The following MYO16 variants were observed in gnomAD, a reference collection of about 807,000 sequenced individuals.
The protein encoded by MYO16 is myosin XVI.
In MYO16, 94 loss-of-function variants were observed where a neutral mutation model predicts 205.3. The ratio of observed to expected loss-of-function variants is 0.46; its 90% CI spans 0.39 to 0.54. The LOEUF is 0.54. MYO16 is among the 20% of genes least tolerant of loss of function. The probability of loss-of-function intolerance (pLI) is 0.00; values close to 1 mark genes in which losing one functional copy is unlikely to be tolerated. For missense variants in MYO16, 2,315 were observed against 2,387.5 expected, an observed-to-expected ratio of 0.97 and a Z score of 0.63; for synonymous variants, 988 against 954.0, an observed-to-expected ratio of 1.04 and a Z score of -0.66.
intron 23 of MYO16, among the ~76,000 whole-genome samples, chr13:109,025,413 G>T (rs1886332608): frequency 6.6e-6 from 1 of 152,014 alleles, no homozygotes; most frequent in Admixed American, 6.6e-5. Flanking sequence ...TTACTCATAG[G>T]AGCACAATAT....
chr13:108,895,620 G>GCCACTCAC (rs1880375179), intron 14 of MYO16, among the ~76,000 whole-genome samples: 1 of 152,172 alleles, frequency 6.6e-6, no homozygotes, highest in Non-Finnish European at 1.5e-5. Context: ...GTGGTTAAGT[G>GCCACTCAC]TGTGATTCTG....
chr13:108,740,672 G>A (rs1228450020), intron 4 of MYO16, among the ~76,000 whole-genome samples: 3 of 152,118 alleles, frequency 2.0e-5, no homozygotes, highest in Non-Finnish European at 4.4e-5. Context: ...TGTCAGACAG[G>A]GACATTTAAA....
intron 27 of MYO16, chr13:109,065,526 G>GAAA: frequency 4.0e-5 from 15 of 373,182 alleles, no homozygotes; most frequent in East Asian, 2.3e-4. Context: ...AGGCCATGCT[G>GAAA]AAAAAAAAAA....
chr13:108,556,733 A>G, the MYO16 span, among the ~76,000 whole-genome samples: 1 of 152,032 alleles, frequency 6.6e-6, no homozygotes, highest in Non-Finnish European at 1.5e-5. Flanking sequence ...GCTTTCCTCT[A>G]TATTTTCTTC....
the MYO16 span, among the ~76,000 whole-genome samples, chr13:108,535,755 G>C: frequency 6.6e-6 from 1 of 152,116 alleles, no homozygotes; most frequent in Non-Finnish European, 1.5e-5. Flanking sequence ...TTCAAGAGTG[G>C]TATTACTTCA....
At chr13:109,082,248 G>A (rs77677622) in intron 27 of MYO16, among the ~76,000 whole-genome samples, 2,654 of 152,198 alleles carry the variant, frequency 0.017, 72 homozygotes, top group African/African-American at 0.061. Context: ...CCCATCATGA[G>A]AACAAAAACC....
At chr13:109,160,634 T>C (rs1158050270) in intron 32 of MYO16, among the ~76,000 whole-genome samples, 1 of 152,210 alleles carries the variant, frequency 6.6e-6, no homozygotes, top group Non-Finnish European at 1.5e-5. Flanking sequence ...TTAAATATTA[T>C]ACAGGATGTA....
intron 1 of MYO16, among the ~76,000 whole-genome samples, chr13:108,657,557 T>A (rs1881299731): frequency 6.8e-6 from 1 of 147,980 alleles, no homozygotes; most frequent in African/African-American, 2.4e-5. Context: ...GCTTTTTAAT[T>A]GTAATGACAT....
rs1043320048 is a variant in MYO16 at position 109,191,220 on chromosome 13, GA to G, written c.5415+11599del. Among the ~76,000 whole-genome samples, 258 of 144,696 alleles carry G rather than the reference GA, an allele frequency of 1.8e-3. 2 individuals carry two copies. Among genetic ancestry groups the G allele is most frequent in the African/African-American group, 5.5e-3 (217 of 39,558 alleles). 94.9% of individuals were successfully genotyped at this position (144,696 alleles called of 152,430 possible). A position where few individuals can be genotyped will look rare whatever the true frequency, so the allele number is the denominator to read the frequency against. ...GGGGACAAGAGCGAAACTCTGTCTC[GA>G]AAAAAAAAAAATTGAATTTTCAAAG... is the stretch of plus-strand genomic sequence containing the variant. On this transcript the variant is annotated intron_variant, in intron 34 of 34. Coordinates refer to ENST00000457511, the MANE Select transcript of MYO16 (RefSeq NM_001198950.3).
At chr13:108,784,647 A>G (rs1428531202) in intron 4 of MYO16, among the ~76,000 whole-genome samples, 1 of 152,240 alleles carries the variant, frequency 6.6e-6, no homozygotes, top group Non-Finnish European at 1.5e-5. Context: ...AATGTGAATC[A>G]TATTTTATGT....
intron 27 of MYO16, among the ~76,000 whole-genome samples, chr13:109,093,595 C>G (rs2139695603): frequency 6.6e-6 from 1 of 152,242 alleles, no homozygotes; most frequent in African/African-American, 2.4e-5. Flanking sequence ...GTCTACTACA[C>G]TGTGGGAAAC....
intron 20 of MYO16, among the ~76,000 whole-genome samples, chr13:108,987,044 C>T (rs1195774610): frequency 6.6e-6 from 1 of 152,148 alleles, no homozygotes; most frequent in Admixed American, 6.5e-5. Flanking sequence ...CACGGGACTC[C>T]AGTGTTGACC....
chr13:108,880,123 C>CA (rs1291194290), intron 12 of MYO16, among the ~76,000 whole-genome samples: 5 of 152,186 alleles, frequency 3.3e-5, no homozygotes, highest in African/African-American at 1.2e-4. Flanking sequence ...TGATGATGAG[C>CA]ATTTGTTCAT....
chr13:108,586,167 C>A, the MYO16 span, among the ~76,000 whole-genome samples: 1 of 151,128 alleles, frequency 6.6e-6, no homozygotes, highest in African/African-American at 2.4e-5. Flanking sequence ...CACATGTATC[C>A]CAGATAAAAA....
the MYO16 span, among the ~76,000 whole-genome samples, chr13:108,589,100 G>A: frequency 2.7e-4 from 41 of 152,258 alleles, no homozygotes; most frequent in Middle Eastern, 3.4e-3. Flanking sequence ...GTGGTGAGGC[G>A]GACTAAATTC....
the MYO16 span, among the ~76,000 whole-genome samples, chr13:108,532,464 G>A: frequency 1.3e-5 from 2 of 151,104 alleles, no homozygotes; most frequent in African/African-American, 4.9e-5. Context: ...AAGAGAGAGT[G>A]TGGTAACTGA....
intron 33 of MYO16, among the ~76,000 whole-genome samples, chr13:109,170,211 T>C (rs1878869682): frequency 6.6e-6 from 1 of 151,850 alleles, no homozygotes; most frequent in African/African-American, 2.4e-5. Context: ...TTTATTTAAA[T>C]TAAAAACAAA....
intron 23 of MYO16, among the ~76,000 whole-genome samples, chr13:109,029,248 G>A (rs543519802): frequency 1.3e-5 from 2 of 151,136 alleles, no homozygotes; most frequent in Non-Finnish European, 1.5e-5. Flanking sequence ...CCAAGTAGCT[G>A]GGATTATAGG....
chr13:108,947,842 G>A (rs749501728), intron 16 of MYO16, among the ~76,000 whole-genome samples: 1 of 152,250 alleles, frequency 6.6e-6, no homozygotes, highest in Non-Finnish European at 1.5e-5. Flanking sequence ...TTCTGGGAAT[G>A]TCACAAGACC....
Sources: allele counts gnomAD v4.1 joint callset (sites outside exome capture counted in the v4.1 genomes callset), GRCh38; gene constraint gnomAD v4.1.1; transcripts MANE v1.5; gene names NCBI Gene and HGNC (gene_info 2026-07-23, HGNC 2026-07-21).